The following SLC71A2 variants were observed in gnomAD, a reference collection of about 807,000 sequenced individuals.
SLC71A2 encodes the protein hippocampus abundant transcript-like 1.
the SLC71A2 span, chr9:94,429,262 A>G: frequency 6.3e-6 from 10 of 1,590,644 alleles, no homozygotes; most frequent in Admixed American, 1.9e-5. Flanking sequence ...GTAAGAAAAA[A>G]TTTTTATGTG....
the SLC71A2 span, among the ~76,000 whole-genome samples, chr9:94,424,727 CTTTT>C: frequency 1.6e-3 from 147 of 91,826 alleles, no homozygotes; most frequent in Middle Eastern, 8.8e-3. Context: ...TTGTTTTCTG[CTTTT>C]TTTTTTTTTT....
At chr9:94,459,444 A>G in the SLC71A2 span, 6 of 1,610,086 alleles carry the variant, frequency 3.7e-6, no homozygotes, top group Non-Finnish European at 5.1e-6. Flanking sequence ...TGCATACGCC[A>G]TCTCTGAGAG....
At chr9:94,384,336 C>CTTTT in the SLC71A2 span, among the ~76,000 whole-genome samples, 1 of 133,296 alleles carries the variant, frequency 7.5e-6, no homozygotes, top group Non-Finnish European at 1.6e-5. Flanking sequence ...TCAAATTTTC[C>CTTTT]TTTTTTTTTT....
the SLC71A2 span, among the ~76,000 whole-genome samples, chr9:94,383,693 C>G: frequency 2.3e-4 from 35 of 152,216 alleles, no homozygotes; most frequent in Middle Eastern, 3.4e-3. Context: ...CACAAGAAAG[C>G]CTTTTGGGAT....
chr9:94,390,551 T>A, the SLC71A2 span, among the ~76,000 whole-genome samples: 1 of 151,746 alleles, frequency 6.6e-6, no homozygotes, highest in African/African-American at 2.4e-5. Flanking sequence ...GGGGGAGGAT[T>A]AGTGAGCTCA....
At chr9:94,445,738 C>T in the SLC71A2 span, among the ~76,000 whole-genome samples, 1 of 152,072 alleles carries the variant, frequency 6.6e-6, no homozygotes, top group African/African-American at 2.4e-5. Flanking sequence ...CACCTTCTCT[C>T]TACCCTACCT....
At chr9:94,409,728 G>T in the SLC71A2 span, among the ~76,000 whole-genome samples, 1 of 151,630 alleles carries the variant, frequency 6.6e-6, no homozygotes, top group Non-Finnish European at 1.5e-5. Context: ...TGTTATTTAG[G>T]AGTATGTTTA....
the SLC71A2 span, chr9:94,454,096 G>C: frequency 7.3e-6 from 11 of 1,505,330 alleles, no homozygotes; most frequent in Non-Finnish European, 8.3e-6. Context: ...AGATTCTCGT[G>C]AACTGCCAGA....
the SLC71A2 span, chr9:94,432,809 A>G: frequency 3.0e-5 from 12 of 401,552 alleles, no homozygotes; most frequent in South Asian, 1.8e-4. Flanking sequence ...TCCCCCATCA[A>G]TGACCAAGGA....
chr9:94,390,041 C>T, the SLC71A2 span, among the ~76,000 whole-genome samples: 8 of 152,212 alleles, frequency 5.3e-5, no homozygotes, highest in East Asian at 1.6e-3. Context: ...AGTGAAACCC[C>T]ATCTCTACTA....
chr9:94,408,196 A>G, the SLC71A2 span, among the ~76,000 whole-genome samples: 6 of 152,222 alleles, frequency 3.9e-5, no homozygotes, highest in African/African-American at 9.6e-5. Flanking sequence ...ATGCACCTCT[A>G]CTTATGGTTG....
chr9:94,419,107 T>C, the SLC71A2 span, among the ~76,000 whole-genome samples: 1 of 151,944 alleles, frequency 6.6e-6, no homozygotes, highest in Admixed American at 6.6e-5. Context: ...AATATAGTTT[T>C]GCAATTTTGG....
chr9:94,377,718 A>G, the SLC71A2 span, among the ~76,000 whole-genome samples: 1 of 151,648 alleles, frequency 6.6e-6, no homozygotes, highest in East Asian at 1.9e-4. Context: ...AAAGAGATAT[A>G]TTGACCAGAA....
chr9:94,421,486 C>T, the SLC71A2 span, among the ~76,000 whole-genome samples: 9 of 152,116 alleles, frequency 5.9e-5, no homozygotes, highest in East Asian at 9.7e-4. Flanking sequence ...TGGCTTAGTA[C>T]GTTTATGAGA....
the SLC71A2 span, among the ~76,000 whole-genome samples, chr9:94,400,498 C>T: frequency 8.2e-6 from 1 of 122,202 alleles, no homozygotes; most frequent in Non-Finnish European, 1.8e-5. Flanking sequence ...TTTTTGCCTC[C>T]AGTCTTAAAG....
At chr9:94,459,566 C>A in the SLC71A2 span, 1 of 582,234 alleles carries the variant, frequency 1.7e-6, no homozygotes, top group Non-Finnish European at 2.6e-6. Flanking sequence ...TGCTCATCCT[C>A]CTCCTGTTTT....
At chr9:94,423,454 T>G in the SLC71A2 span, among the ~76,000 whole-genome samples, 1 of 152,114 alleles carries the variant, frequency 6.6e-6, no homozygotes, top group Non-Finnish European at 1.5e-5. Context: ...CGGATAACCT[T>G]CTGAGGTCTC....
the SLC71A2 span, among the ~76,000 whole-genome samples, chr9:94,436,193 G>C: frequency 2.6e-5 from 4 of 152,114 alleles, no homozygotes; most frequent in Non-Finnish European, 5.9e-5. Context: ...ATGATTGGAT[G>C]AATCTACAGA....
chr9:94,438,560 C>T, the SLC71A2 span: 3 of 1,602,590 alleles, frequency 1.9e-6, no homozygotes, highest in African/African-American at 2.7e-5. Flanking sequence ...CTCCTGACTG[C>T]TTGTTTTGAG....
Sources: allele counts gnomAD v4.1 joint callset (sites outside exome capture counted in the v4.1 genomes callset), GRCh38; gene constraint gnomAD v4.1.1; transcripts MANE v1.5; gene names NCBI Gene and HGNC (gene_info 2026-07-23, HGNC 2026-07-21).